Variants in MAPRE2 observed in about 807,000 individuals in gnomAD.
MAPRE2 encodes microtubule associated protein RP/EB family member 2.
MAPRE2 carries 13 observed loss-of-function variants against 43.2 expected under a neutral mutation model. That is an observed-to-expected ratio of 0.30 (90% CI 0.20 to 0.48). MAPRE2 has a LOEUF of 0.48. Ranked by LOEUF, MAPRE2 falls within the 20% of genes least tolerant of loss-of-function variation. The pLI, the probability that MAPRE2 is intolerant of heterozygous loss-of-function variation, is 0.99. For missense variants in MAPRE2, 161 were observed against 400.2 expected (o/e 0.40, Z 5.10); for synonymous variants, 135 against 148.8 (o/e 0.91, Z 0.68).
At chr18:35,101,872 A>ATAC (rs1908696707) in intron 3 of MAPRE2, 74 bp from the exon 4 acceptor site, 2 of 1,082,560 alleles carry the variant, frequency 1.8e-6, no homozygotes, top group South Asian at 3.1e-5. Context: ...TCTTTTTGAG[A>ATAC]TACTGATTTC....
chr18:35,006,311 T>C (rs1232604631), intron 2 of MAPRE2, among the ~76,000 whole-genome samples: 3 of 152,202 alleles, frequency 2.0e-5, no homozygotes, highest in Non-Finnish European at 2.9e-5. Context: ...ATTTTACTCC[T>C]ATTTCTCCAC....
At chr18:34,998,690 T>C (rs537570154) in intron 1 of MAPRE2, among the ~76,000 whole-genome samples, 4 of 151,106 alleles carry the variant, frequency 2.6e-5, no homozygotes, top group South Asian at 4.2e-4. Flanking sequence ...CTCGAACTCT[T>C]AACCTCAGGG....
intron 1 of MAPRE2, among the ~76,000 whole-genome samples, chr18:34,996,598 T>C (rs1292668189): frequency 6.6e-6 from 1 of 152,096 alleles, no homozygotes; most frequent in Non-Finnish European, 1.5e-5. Flanking sequence ...CAAACATGGG[T>C]TGGAAGCTTC....
intron 2 of MAPRE2, among the ~76,000 whole-genome samples, chr18:35,024,469 A>T (rs1424887959): frequency 6.6e-6 from 1 of 152,074 alleles, no homozygotes. Context: ...GAAGTAGAAC[A>T]AAGCATTTTA....
intron 3 of MAPRE2, among the ~76,000 whole-genome samples, chr18:35,098,032 AC>A (rs1445656889): frequency 1.3e-5 from 2 of 152,104 alleles, no homozygotes; most frequent in African/African-American, 4.8e-5. Context: ...GGGACTAAAA[AC>A]CCCTTATTCA....
At chr18:35,078,302 A>G (rs1164725946) in intron 2 of MAPRE2, among the ~76,000 whole-genome samples, 1 of 152,124 alleles carries the variant, frequency 6.6e-6, no homozygotes, top group Admixed American at 6.6e-5. Flanking sequence ...TTGGAGATTC[A>G]TGTTTTGCAT....
At chr18:35,025,294 C>A (rs1319911213) in intron 2 of MAPRE2, among the ~76,000 whole-genome samples, 1 of 152,172 alleles carries the variant, frequency 6.6e-6, no homozygotes, top group Non-Finnish European at 1.5e-5. Flanking sequence ...CTGTTGTGTC[C>A]AAATGTAAGT....
At chr18:35,018,481 T>A (rs1000727548) in intron 2 of MAPRE2, among the ~76,000 whole-genome samples, 1 of 151,402 alleles carries the variant, frequency 6.6e-6, no homozygotes, top group African/African-American at 2.4e-5. Context: ...TTTTTTTTTT[T>A]AATTACTGAT....
chr18:34,979,885 C>T (rs891527257), intron 1 of MAPRE2, among the ~76,000 whole-genome samples: 2 of 152,072 alleles, frequency 1.3e-5, no homozygotes, highest in Non-Finnish European at 2.9e-5. Flanking sequence ...ATCTTAGAGT[C>T]ATCAAAAAAC....
intron 1 of MAPRE2, among the ~76,000 whole-genome samples, chr18:35,048,280 G>A (rs952031503): frequency 6.6e-6 from 1 of 152,004 alleles, no homozygotes; most frequent in African/African-American, 2.4e-5. Flanking sequence ...GAGCTATGAG[G>A]GACCCGACCC....
rs1487055299 is a variant in MAPRE2, at chr18:35,065,310, AC to A, written c.123-4884del. 2.5e-4 allele frequency among the ~76,000 whole-genome samples: 38 copies of A among 152,064 alleles called. No homozygotes were observed. The East Asian group carries it at 4.7e-3, about 19-fold the overall frequency. ...AGGACTCTGTCTCAAAAAAAAAAAA[AC>A]AAAAAGTGTATTCCCACCTTCCAAG... On this transcript the variant is annotated intron_variant, in intron 1 of 6. Coordinates refer to ENST00000300249, the MANE Select transcript of MAPRE2 (RefSeq NM_014268.4).
chr18:35,117,992 G>GA (rs1157415148), intron 4 of MAPRE2, among the ~76,000 whole-genome samples: 2 of 152,110 alleles, frequency 1.3e-5, no homozygotes, highest in East Asian at 3.9e-4. Context: ...GCAGAGCCTG[G>GA]AAAATACTGG....
intron 4 of MAPRE2, among the ~76,000 whole-genome samples, chr18:35,104,091 A>G (rs1464793724): frequency 1.3e-5 from 2 of 152,214 alleles, no homozygotes; most frequent in African/African-American, 2.4e-5. Context: ...AGAGCTCAGC[A>G]TCAGAGAACA....
intron 2 of MAPRE2, among the ~76,000 whole-genome samples, chr18:35,076,981 T>A (rs1717115895): frequency 6.6e-6 from 1 of 152,154 alleles, no homozygotes. Flanking sequence ...TCTCTCCTGG[T>A]TAGTGACGAA....
chr18:35,014,875 A>G lies in MAPRE2; in HGVS notation c.-8+9322A>G, dbSNP rs139854382. Among the ~76,000 whole-genome samples, 129 of 152,264 alleles carry G rather than the reference A, an allele frequency of 8.5e-4. 2 individuals are homozygous for G. Among genetic ancestry groups the G allele is most frequent in the African/African-American group, 2.8e-3 (117 of 41,560 alleles). On this transcript the variant is annotated intron_variant, in intron 2 of 7. Coordinates refer to the MAPRE2 transcript ENST00000413393. ...TTAGTGCACCTTTACCACGTTGTAA[A>G]TCCATGGCATTGCCATAGATTTTTG...
chr18:35,082,547 T>C (rs1211547394), intron 2 of MAPRE2, among the ~76,000 whole-genome samples: 1 of 152,066 alleles, frequency 6.6e-6, no homozygotes, highest in Non-Finnish European at 1.5e-5. Context: ...ATTCCTTGTC[T>C]TTGCTTGGAG....
chr18:35,041,510 C>T lies in MAPRE2; in HGVS notation c.-30C>T. 1 of 1,614,022 alleles carries T rather than the reference C, an allele frequency of 6.2e-7. No homozygotes were observed. Among genetic ancestry groups the T allele is most frequent in the Non-Finnish European group, 8.5e-7 (1 of 1,179,998 alleles). Reference sequence around the variant, plus strand: ...ACCTTCCTCACCAGCCAGCCCACAGCGGTTTGTTCCCCTTCTCGGGAGTGC... The same window carrying T: ...ACCTTCCTCACCAGCCAGCCCACAGTGGTTTGTTCCCCTTCTCGGGAGTGC... On this transcript the variant is annotated 5_prime_UTR_variant, in exon 1 of 7. Coordinates refer to ENST00000300249, the MANE Select transcript of MAPRE2 (RefSeq NM_014268.4).
At chr18:35,042,240 A>G (rs1211198696) in intron 1 of MAPRE2, among the ~76,000 whole-genome samples, 1 of 152,184 alleles carries the variant, frequency 6.6e-6, no homozygotes, top group Non-Finnish European at 1.5e-5. Context: ...TTCTCCATAG[A>G]ACCCTAGGTT....
At chr18:34,998,323 C>CTTTTT (rs11339291) in intron 1 of MAPRE2, among the ~76,000 whole-genome samples, 5 of 120,738 alleles carry the variant, frequency 4.1e-5, no homozygotes, top group Non-Finnish European at 6.7e-5. Flanking sequence ...TTTTCTCTCT[C>CTTTTT]TTTTTTTTTT....
Sources: allele counts gnomAD v4.1 joint callset (sites outside exome capture counted in the v4.1 genomes callset), GRCh38; gene constraint gnomAD v4.1.1; transcripts MANE v1.5; gene names NCBI Gene and HGNC (gene_info 2026-07-23, HGNC 2026-07-21).